Variants in TRPC4AP observed in about 807,000 individuals in gnomAD.
The protein encoded by TRPC4AP is short transient receptor potential channel 4-associated protein.
In TRPC4AP, 45 loss-of-function variants were observed where a neutral mutation model predicts 99.0. That is an observed-to-expected ratio of 0.45 (90% CI 0.36 to 0.58). TRPC4AP has a LOEUF of 0.58. TRPC4AP is among the 20% of genes least tolerant of loss of function. The pLI is 0.00. For synonymous variants in TRPC4AP, 408 were observed against 385.8 expected (o/e 1.06, Z -0.67); for missense variants, 879 against 985.3 (o/e 0.89, Z 1.44).
chr20:35,002,847 C>G lies in TRPC4AP; in HGVS notation c.*299G>C, dbSNP rs1213700714. ...GACAGCCAAGAAACCGGCAGGAGCT[C>G]ACACAGAGCTAATGCTAAATGTCCT... On this transcript the variant is annotated 3_prime_UTR_variant, in exon 19 of 19. Coordinates refer to ENST00000252015, the MANE Select transcript of TRPC4AP (RefSeq NM_015638.3). 3.4e-6 allele frequency: 1 copy of G among 296,830 alleles called. No individual in the cohort carries two copies. Among genetic ancestry groups the G allele is most frequent in the Non-Finnish European group, 6.3e-6 (1 of 158,184 alleles). 18.4% of individuals were successfully genotyped at this position (296,830 alleles called of 1,614,324 possible). A position where few individuals can be genotyped will look rare whatever the true frequency, so the allele number is the denominator to read the frequency against.
At position 35,078,082 on chromosome 20, in the gene TRPC4AP, G is replaced by T; in HGVS notation, c.261C>A (p.Leu87=). The T allele has an allele frequency of 6.2e-7, 1 of 1,613,902 alleles. No homozygotes were observed. Among genetic ancestry groups the T allele is most frequent in the East Asian group, 2.2e-5 (1 of 44,882 alleles). Residue 87 remains leucine (L), a synonymous_variant, in exon 2 of 19, where the codon CTC becomes CTA. Transcript: ENST00000252015. ...TTTGACACTCAACAAAGTCACTGTG[G>T]AGGTGGCTGGTGGTGTGCAGCTTGA... ...LLLKLHTTSH[L]HSDFVECQNI...
At position 35,048,210 on chromosome 20, in the gene TRPC4AP, C is replaced by CTTTTT. The variant is rs1487171166; in HGVS notation, c.657+1655_657+1656insAAAAA. Among the ~76,000 whole-genome samples the CTTTTT allele has an allele frequency of 5.5e-5, 5 of 91,442 alleles. 2 individuals carry two copies. Among genetic ancestry groups the CTTTTT allele is most frequent in the Non-Finnish European group, 2.1e-5 (1 of 47,342 alleles). 60.0% of individuals were successfully genotyped at this position (91,442 alleles called of 152,430 possible). On this transcript the variant is annotated intron_variant, in intron 6 of 18. Transcript: ENST00000252015. ...TTTTTCATGCTGATTTGTAAGAATTCTGTTTTTTTTTTTTTTTTTGAGAGG... is the reference window on the plus strand; with the variant it reads ...TTTTTCATGCTGATTTGTAAGAATTCTTTTTTGTTTTTTTTTTTTTTTTTGAGAGG...
chr20:35,034,131 G>A (rs2083262075), intron 8 of TRPC4AP, among the ~76,000 whole-genome samples: 1 of 103,088 alleles, frequency 9.7e-6, no homozygotes, highest in Non-Finnish European at 1.9e-5. Flanking sequence ...CGACCTGGGC[G>A]ACAGAGCGAG....
chr20:35,042,639 G>T (rs927843929), intron 7 of TRPC4AP, among the ~76,000 whole-genome samples: 8 of 152,150 alleles, frequency 5.3e-5, no homozygotes, highest in African/African-American at 1.9e-4. Flanking sequence ...TTTCCAGCCT[G>T]TTAACATTGA....
chr20:35,091,766 T>C (rs2085074209), intron 1 of TRPC4AP, among the ~76,000 whole-genome samples: 1 of 152,194 alleles, frequency 6.6e-6, no homozygotes, highest in African/African-American at 2.4e-5. Context: ...TAATATTAAC[T>C]ACCTTCAGCC....
intron 3 of TRPC4AP, among the ~76,000 whole-genome samples, chr20:35,067,332 T>A (rs576751662): frequency 6.6e-5 from 10 of 152,166 alleles, no homozygotes; most frequent in Non-Finnish European, 1.2e-4. Flanking sequence ...ACTTTTTTTT[T>A]AAATTTTAAA....
intron 5 of TRPC4AP, among the ~76,000 whole-genome samples, chr20:35,053,856 A>G (rs1405628564): frequency 6.6e-6 from 1 of 152,260 alleles, no homozygotes; most frequent in Admixed American, 6.5e-5. Context: ...ATGTGGCTAC[A>G]AGGAAATTTA....
intron 1 of TRPC4AP, among the ~76,000 whole-genome samples, chr20:35,084,067 AGGTG>A (rs2084729782): frequency 6.6e-6 from 1 of 152,020 alleles, no homozygotes; most frequent in South Asian, 2.1e-4. Context: ...TGGGAGGCCG[AGGTG>A]GGTGGATTAC....
In TRPC4AP at chr20:35,021,193, G is replaced by C; in HGVS notation, c.1215C>G (p.Asn405Lys). Reference sequence around the variant, plus strand: ...GAGACGCTGGAGAGGGGCCCACCTGGTTTCGCTGACGCCCCATCAGCAGCA... The same window carrying C: ...GAGACGCTGGAGAGGGGCCCACCTGCTTTCGCTGACGCCCCATCAGCAGCA... ...LCVLLMGRQR[N>K]QVHRMIAEFK... The change falls in exon 9 of 19, where the codon AAC becomes AAG. Residue 405 changes from asparagine (N) to lysine (K), a missense_variant. Coordinates refer to ENST00000252015, the MANE Select transcript of TRPC4AP (RefSeq NM_015638.3). 1 of 1,611,026 alleles carries C rather than the reference G, an allele frequency of 6.2e-7. No homozygotes were observed.
chr20:35,037,877 GTGTATCA>G (rs1569109189), intron 7 of TRPC4AP, among the ~76,000 whole-genome samples: 1 of 152,082 alleles, frequency 6.6e-6, no homozygotes, highest in Non-Finnish European at 1.5e-5. Flanking sequence ...TGCAGCCTAA[GTGTATCA>G]TGGGCTATAC....
At chr20:35,083,751 C>T (rs12106042) in intron 1 of TRPC4AP, among the ~76,000 whole-genome samples, 1,916 of 150,354 alleles carry the variant, frequency 0.013, 30 homozygotes, top group African/African-American at 0.044. Context: ...TGTACTCTTT[C>T]TTGGGAGGCT....
At chr20:35,016,584 A>G (rs1394115569) in intron 9 of TRPC4AP, among the ~76,000 whole-genome samples, 3 of 152,222 alleles carry the variant, frequency 2.0e-5, no homozygotes, top group African/African-American at 7.2e-5. Context: ...GCTGAAAGTA[A>G]GATACAATTA....
intron 11 of TRPC4AP, among the ~76,000 whole-genome samples, chr20:35,010,926 G>A (rs2082621141): frequency 6.6e-6 from 1 of 152,172 alleles, no homozygotes; most frequent in Non-Finnish European, 1.5e-5. Flanking sequence ...AGGAGGTTAT[G>A]TCCTGATAAA....
intron 4 of TRPC4AP, among the ~76,000 whole-genome samples, chr20:35,056,611 G>C (rs1353799220): frequency 1.3e-5 from 2 of 152,044 alleles, no homozygotes; most frequent in African/African-American, 4.8e-5. Context: ...TGGTAGGAGG[G>C]CATTCACCAA....
rs1479270980 is a variant in TRPC4AP, at chr20:35,024,854, A to AAAAAACAT, written c.1052-3499_1052-3498insATGTTTTT. Among the ~76,000 whole-genome samples the AAAAAACAT allele has an allele frequency of 1.8e-3, 162 of 89,458 alleles. 28 individuals carry two copies. The highest frequency in any genetic ancestry group is 2.4e-3 in the Non-Finnish European group (103 of 43,668). The allele number at this position is 89,458 out of a possible 152,430, so 58.7% of individuals were successfully genotyped here. ...AAAAAAAAAAAAAAAAAAAAAAAAA[A>AAAAAACAT]ATTCTGTTTATTCATTAATCAGGTG... On this transcript the variant is annotated intron_variant, in intron 8 of 18. Coordinates refer to ENST00000252015, the MANE Select transcript of TRPC4AP (RefSeq NM_015638.3).
chr20:35,038,556 CTTATT>C (rs1279566930), intron 7 of TRPC4AP, among the ~76,000 whole-genome samples: 3 of 151,506 alleles, frequency 2.0e-5, no homozygotes. Flanking sequence ...GAGAGCAGCA[CTTATT>C]TTATATTACC....
intron 14 of TRPC4AP, 51 bp downstream of exon 14, chr20:35,007,499 C>G: frequency 6.3e-7 from 1 of 1,583,682 alleles, no homozygotes; most frequent in Non-Finnish European, 8.7e-7. Context: ...CACAGCAACG[C>G]GTGGGCTGGG....
At chr20:35,019,726 A>G (rs1304362502) in intron 9 of TRPC4AP, among the ~76,000 whole-genome samples, 1 of 152,168 alleles carries the variant, frequency 6.6e-6, no homozygotes, top group Non-Finnish European at 1.5e-5. Flanking sequence ...TAAAACTATT[A>G]TTTTTTATTA....
At chr20:35,012,454 T>C (rs1272635566) in intron 11 of TRPC4AP, among the ~76,000 whole-genome samples, 7 of 152,210 alleles carry the variant, frequency 4.6e-5, no homozygotes. Flanking sequence ...ACCTCCCCAA[T>C]GCCAAGGTCA....
Sources: gnomAD v4.1 joint callset for allele counts (sites outside exome capture counted in the v4.1 genomes callset) on GRCh38, gnomAD v4.1.1 for gene constraint, MANE v1.5 for transcripts, NCBI Gene and HGNC (gene_info 2026-07-23, HGNC 2026-07-21) for gene names.